POLD3: variants seen among roughly 807,000 people sequenced by gnomAD.
The protein encoded by POLD3 is DNA polymerase delta subunit 3.
POLD3 carries 19 observed loss-of-function variants against 58.2 expected under a neutral mutation model. The observed-to-expected ratio is 0.33, with a 90% CI of 0.23 to 0.48. POLD3 has a LOEUF of 0.48. POLD3 is among the 20% of genes least tolerant of loss of function. The pLI, the probability that POLD3 is intolerant of heterozygous loss-of-function variation, is 0.99. For missense variants in POLD3, 504 were observed against 545.5 expected (o/e 0.92, Z 0.76); for synonymous variants, 172 against 193.5 (o/e 0.89, Z 0.92).
chr11:74,607,408 G>GC (rs1197300121), intron 3 of POLD3, among the ~76,000 whole-genome samples: 296 of 149,652 alleles, frequency 2.0e-3, no homozygotes, highest in Non-Finnish European at 3.2e-3. Flanking sequence ...GACTACAGGC[G>GC]CCCGCCACCA....
intron 3 of POLD3, among the ~76,000 whole-genome samples, chr11:74,609,366 ATATATATTTTTTTTTTTTTT>A (rs1329708994): frequency 2.6e-4 from 11 of 42,588 alleles, no homozygotes; most frequent in African/African-American, 2.1e-3. Flanking sequence ...ATATATATAT[ATATATATTTTTTTTTTTTTT>A]TTTTTTTTTT....
At chr11:74,593,611 C>T (rs1199154981) in intron 1 of POLD3, among the ~76,000 whole-genome samples, 2 of 152,064 alleles carry the variant, frequency 1.3e-5, no homozygotes, top group Non-Finnish European at 2.9e-5. Flanking sequence ...TTTTTCGTTT[C>T]CTGACCCCTG....
At chr11:74,656,566 G>A (rs1316832794) in intron 4 of POLD3, among the ~76,000 whole-genome samples, 6 of 150,590 alleles carry the variant, frequency 4.0e-5, no homozygotes, top group Non-Finnish European at 8.8e-5. Context: ...CAGCCTGGAC[G>A]ACAGAATGAG....
Position 74,641,270 on chromosome 11 carries a change from A to C in POLD3, c.*504A>C, listed in dbSNP as rs1429728592. On this transcript the variant is annotated 3_prime_UTR_variant, in exon 12 of 12. Coordinates refer to ENST00000263681, the MANE Select transcript of POLD3 (RefSeq NM_006591.3). ...CTAACCTCCTGAGGCTGTTCTCTGTAAGTCTTTTAAGTTTTGGTTGGACTA... is the reference window on the plus strand; with the variant it reads ...CTAACCTCCTGAGGCTGTTCTCTGTCAGTCTTTTAAGTTTTGGTTGGACTA... The C allele has an allele frequency of 5.1e-6, 5 of 985,334 alleles. No homozygotes were observed. Among genetic ancestry groups the C allele is most frequent in the Non-Finnish European group, 6.0e-6 (5 of 830,014 alleles). 61.0% of individuals were successfully genotyped at this position (985,334 alleles called of 1,614,324 possible). A position where few individuals can be genotyped will look rare whatever the true frequency, so the allele number is the denominator to read the frequency against.
intron 11 of POLD3, chr11:74,638,568 T>C (rs1240501000): frequency 1.1e-5 from 5 of 453,024 alleles, no homozygotes; most frequent in Middle Eastern, 6.5e-4. Flanking sequence ...ATTTAAGATA[T>C]TGAATAAATA....
At chr11:74,620,222 T>A (rs2032211552) in intron 7 of POLD3, 133 bp downstream of exon 7, 1 of 686,068 alleles carries the variant, frequency 1.5e-6, no homozygotes, top group Non-Finnish European at 2.6e-6. Flanking sequence ...AAATTTCCAG[T>A]GTACTGCCCA....
At chr11:74,604,665 A>G (rs752791719) in intron 2 of POLD3, 27 bp from the exon 3 acceptor site, 1 of 1,192,900 alleles carries the variant, frequency 8.4e-7, no homozygotes, top group South Asian at 1.2e-5. Context: ...CTGATGTCTT[A>G]CTTGTGCCTT....
chr11:74,666,402 C>T (rs2033268673), intron 4 of POLD3, among the ~76,000 whole-genome samples: 1 of 152,114 alleles, frequency 6.6e-6, no homozygotes, highest in South Asian at 2.1e-4. Context: ...AGGTGGATCA[C>T]CTGAGGTCAG....
At chr11:74,636,971 T>G (rs774041802) in intron 11 of POLD3, among the ~76,000 whole-genome samples, 1 of 152,228 alleles carries the variant, frequency 6.6e-6, no homozygotes, top group Non-Finnish European at 1.5e-5. Flanking sequence ...GTGGAGCTTT[T>G]AAGATTTAGC....
intron 3 of POLD3, among the ~76,000 whole-genome samples, chr11:74,605,986 A>G (rs1169530866): frequency 6.6e-6 from 1 of 152,162 alleles, no homozygotes; most frequent in East Asian, 1.9e-4. Context: ...CAGGAGGCTG[A>G]AGTGGGAAGG....
At chr11:74,645,441 T>C (rs2032987169), downstream of POLD3, among the ~76,000 whole-genome samples, 1 of 152,230 alleles carries the variant, frequency 6.6e-6, no homozygotes, top group African/African-American at 2.4e-5. Context: ...CCACTCAGTT[T>C]TGTACACACT....
intron 3 of POLD3, among the ~76,000 whole-genome samples, chr11:74,608,396 C>T (rs1242066849): frequency 6.6e-6 from 1 of 152,182 alleles, no homozygotes; most frequent in African/African-American, 2.4e-5. Context: ...GCTGGGATTA[C>T]AGGCATGAAC....
At chr11:74,666,162 G>A (rs944369410) in intron 4 of POLD3, among the ~76,000 whole-genome samples, 1 of 152,156 alleles carries the variant, frequency 6.6e-6, no homozygotes, top group Non-Finnish European at 1.5e-5. Flanking sequence ...GTATCAAAAA[G>A]TTTAAAAGTA....
In POLD3 at chr11:74,592,629, G is replaced by C. The variant is rs1019562435; in HGVS notation, c.-30G>C. 1.6e-5 allele frequency: 25 copies of C among 1,612,504 alleles called. No homozygotes were observed. The highest frequency in any genetic ancestry group is 2.1e-5 in the Non-Finnish European group (25 of 1,179,444). On this transcript the variant is annotated 5_prime_UTR_variant, in exon 1 of 12. Transcript: ENST00000263681. ...AGCTGTGGCTGTGATTGAGAGAGGG[G>C]TTAGAGGCGGGTCCCAGCGCTGCCG...
intron 4 of POLD3, among the ~76,000 whole-genome samples, chr11:74,659,390 C>T (rs554169494): frequency 6.6e-6 from 1 of 152,266 alleles, no homozygotes; most frequent in South Asian, 2.1e-4. Context: ...GACCTAGAGA[C>T]ATTTTCCCCA....
intron 5 of POLD3, among the ~76,000 whole-genome samples, chr11:74,615,629 A>T (rs1203817902): frequency 6.6e-6 from 1 of 152,230 alleles, no homozygotes; most frequent in Non-Finnish European, 1.5e-5. Flanking sequence ...CGGGAAGGAT[A>T]TATACATTTC....
At position 74,633,596 on chromosome 11, in the gene POLD3, C is replaced by T. The variant is rs114922788; in HGVS notation, c.1007-987C>T. Reference sequence around the variant, plus strand: ...GGTGAGGCTAAGTCGCTACCCGGTCCCCTGACCAGCACTTTCTTTGTGGTG... The same window carrying T: ...GGTGAGGCTAAGTCGCTACCCGGTCTCCTGACCAGCACTTTCTTTGTGGTG... On this transcript the variant is annotated intron_variant, in intron 9 of 11. Transcript: ENST00000263681. Among the ~76,000 whole-genome samples, 1,208 of 152,248 alleles carry T rather than the reference C, an allele frequency of 7.9e-3. 15 individuals carry two copies. The highest frequency in any genetic ancestry group is 0.028 in the African/African-American group (1,169 of 41,538).
chr11:74,641,098 A>G lies in POLD3; in HGVS notation c.*332A>G. 2 of 1,019,614 alleles carry G rather than the reference A, an allele frequency of 2.0e-6. No individual in the cohort carries two copies. The highest frequency in any genetic ancestry group is 2.3e-6 in the Non-Finnish European group (2 of 852,962). The allele number at this position is 1,019,614 out of a possible 1,614,324, so 63.2% of individuals were successfully genotyped here. A position where few individuals can be genotyped will look rare whatever the true frequency, so the allele number is the denominator to read the frequency against. The stretch of plus-strand genomic sequence containing the variant: ...GTGGCTAACCCACTGTGCTCCACTC[A>G]CCCTATGCCCTGGTCCGCATATGGC... On this transcript the variant is annotated 3_prime_UTR_variant, in exon 12 of 12. Coordinates refer to ENST00000263681, the MANE Select transcript of POLD3 (RefSeq NM_006591.3).
At chr11:74,597,048 G>A (rs2031286843) in intron 2 of POLD3, among the ~76,000 whole-genome samples, 1 of 152,200 alleles carries the variant, frequency 6.6e-6, no homozygotes, top group Non-Finnish European at 1.5e-5. Flanking sequence ...AAATAGTGCT[G>A]CAATAAACAT....
Sources: gnomAD v4.1 joint callset for allele counts (sites outside exome capture counted in the v4.1 genomes callset) on GRCh38, gnomAD v4.1.1 for gene constraint, MANE v1.5 for transcripts, NCBI Gene and HGNC (gene_info 2026-07-23, HGNC 2026-07-21) for gene names.